Variants in AASS observed in about 807,000 individuals in gnomAD.
AASS encodes the protein alpha-aminoadipic semialdehyde synthase, mitochondrial.
Under a neutral mutation model 105.4 loss-of-function variants are expected in AASS, and 86 were observed. That is an observed-to-expected ratio of 0.82 (90% CI 0.69 to 0.98). AASS has a LOEUF of 0.98. AASS is among the 50% of genes least tolerant of loss of function. The pLI, the probability that AASS is intolerant of heterozygous loss-of-function variation, is 0.00. For synonymous variants in AASS, 381 were observed against 394.8 expected (o/e 0.96, Z 0.41); for missense variants, 1,048 against 1,143.2 (o/e 0.92, Z 1.20).
intron 11 of AASS, among the ~76,000 whole-genome samples, chr7:122,104,380 G>A (rs1288487817): frequency 6.6e-6 from 1 of 152,096 alleles, no homozygotes; most frequent in Non-Finnish European, 1.5e-5. Context: ...CAGATCACCT[G>A]ATGTCAGAAG....
intron 1 of AASS, among the ~76,000 whole-genome samples, chr7:122,141,658 C>CAAAAAAAA (rs67469054): frequency 2.1e-5 from 2 of 94,634 alleles, no homozygotes; most frequent in African/African-American, 7.4e-5. Flanking sequence ...CCTAACCCTG[C>CAAAAAAAA]AAAAAAAAAA....
chr7:122,082,946 G>GA (rs1793440927), intron 19 of AASS: 1 of 1,086,472 alleles, frequency 9.2e-7, no homozygotes, highest in Non-Finnish European at 1.2e-6. Flanking sequence ...ATGAAGTGAA[G>GA]AAAGACCATA....
Position 122,129,526 on chromosome 7 carries a change from T to A in AASS, c.222A>T (p.Lys74Asn). Reference sequence around the variant, plus strand: ...TATCCTCCTGAAGAATGCCACCAGCTTTGACATAGTCCTGAAATTGTAATT... The same window carrying A: ...TATCCTCCTGAAGAATGCCACCAGCATTGACATAGTCCTGAAATTGTAATT... ...RRAIHDKDYVKAGGILQEDIS... is the reference protein window; with the variant it reads ...RRAIHDKDYVNAGGILQEDIS... Residue 74 changes from lysine (K) to asparagine (N), a missense_variant, in exon 3 of 24, where the codon AAA becomes AAT. Transcript: ENST00000417368. 2 of 1,613,234 alleles carry A rather than the reference T, an allele frequency of 1.2e-6. No individual in the cohort carries two copies. Among genetic ancestry groups the A allele is most frequent in the South Asian group, 2.2e-5 (2 of 91,046 alleles).
In AASS at chr7:122,115,210, T is replaced by C; in HGVS notation, c.907A>G (p.Thr303Ala). The C allele has an allele frequency of 2.5e-6, 4 of 1,614,148 alleles. No homozygotes were observed. Among genetic ancestry groups the C allele is most frequent in the Non-Finnish European group, 3.4e-6 (4 of 1,180,008 alleles). ...TAGATTCCATTAATTAAGCAAGTTG[T>C]ATAGGGTGCAATCTGTAATGCAAGT... ...SRFNTDIAPYTTCLINGIYWE... is the reference protein window; with the variant it reads ...SRFNTDIAPYATCLINGIYWE... The change falls in exon 9 of 24, where the codon ACA (threonine) becomes GCA (alanine). Residue 303 changes from threonine to alanine, a missense_variant. By Grantham distance (58) the Thr-to-Ala change is moderately conservative. Coordinates refer to ENST00000417368, the MANE Select transcript of AASS (RefSeq NM_005763.4).
At chr7:122,085,885 A>T (rs1459103647) in intron 19 of AASS, 127 bp downstream of exon 19, 3 of 1,017,316 alleles carry the variant, frequency 2.9e-6, no homozygotes, top group Non-Finnish European at 4.5e-6. Context: ...CAATCATAAG[A>T]TTCCTGAAAA....
rs376028819 is a variant in AASS, at chr7:122,133,505, G to A, written c.210+12C>T. ...CATTTTATTCTCACATAAAAATATTGGAAATACTCACCTTATCATGAATGG... is the reference window on the plus strand; with the variant it reads ...CATTTTATTCTCACATAAAAATATTAGAAATACTCACCTTATCATGAATGG... On this transcript the variant is annotated intron_variant, in intron 2 of 23. Transcript: ENST00000417368. 7 of 1,613,368 alleles carry A rather than the reference G, an allele frequency of 4.3e-6. No individual in the cohort carries two copies. The African/African-American group carries it at 6.7e-5, about 15-fold the overall frequency.
chr7:122,086,416 G>C (rs1793628010), intron 18 of AASS, among the ~76,000 whole-genome samples: 1 of 151,472 alleles, frequency 6.6e-6, no homozygotes, highest in Non-Finnish European at 1.5e-5. Context: ...CTAAACATAA[G>C]GTCTTATTTT....
chr7:122,079,878 T>C (rs949038142), intron 20 of AASS, among the ~76,000 whole-genome samples, 166 bp from the exon 21 acceptor site: 5 of 151,944 alleles, frequency 3.3e-5, no homozygotes. Flanking sequence ...CATACACACA[T>C]CTGCATACCT....
intron 1 of AASS, among the ~76,000 whole-genome samples, chr7:122,135,134 G>A (rs1249875621): frequency 1.3e-5 from 2 of 151,980 alleles, no homozygotes; most frequent in East Asian, 3.9e-4. Flanking sequence ...TGGGGTGCGG[G>A]GAGGGGTGAG....
At chr7:122,105,399 CTT>C (rs1794623487) in intron 11 of AASS, among the ~76,000 whole-genome samples, 1 of 151,996 alleles carries the variant, frequency 6.6e-6, no homozygotes, top group Non-Finnish European at 1.5e-5. Context: ...AAATATAGAA[CTT>C]TTTATCCAGT....
At chr7:122,143,346 G>T (rs567949896) in intron 1 of AASS, among the ~76,000 whole-genome samples, 12 of 146,080 alleles carry the variant, frequency 8.2e-5, no homozygotes, top group Admixed American at 3.4e-4. Flanking sequence ...TCTCTCTTCC[G>T]CTCCCCCCAC....
At chr7:122,134,717 C>A (rs920385464) in intron 1 of AASS, among the ~76,000 whole-genome samples, 1 of 152,004 alleles carries the variant, frequency 6.6e-6, no homozygotes, top group African/African-American at 2.4e-5. Context: ...GACAATGTGG[C>A]GATTCCTCAA....
At chr7:122,104,434 A>G (rs1456015178) in intron 11 of AASS, among the ~76,000 whole-genome samples, 1 of 152,080 alleles carries the variant, frequency 6.6e-6, no homozygotes. Flanking sequence ...TGTCTCTACT[A>G]AAAATACAAA....
At chr7:122,139,174 C>T (rs1201179521) in intron 1 of AASS, among the ~76,000 whole-genome samples, 3 of 152,116 alleles carry the variant, frequency 2.0e-5, no homozygotes, top group Non-Finnish European at 4.4e-5. Flanking sequence ...CAGAAAGTCT[C>T]TTGATAGAGT....
At position 122,125,445 on chromosome 7, in the gene AASS, T is replaced by C. The variant is rs279705; in HGVS notation, c.472+930A>G. ...TTTACTTCCTGCAGAAAGGGTACAC[T>C]CACCAGCAGTTTTGCCACAAGAATA... On this transcript the variant is annotated intron_variant, in intron 4 of 23. Transcript: ENST00000417368. Among the ~76,000 whole-genome samples the C allele has an allele frequency of 4.5e-3, 683 of 152,276 alleles. 2 individuals carry two copies. Among genetic ancestry groups the C allele is most frequent in the African/African-American group, 0.016 (650 of 41,568 alleles).
In AASS at chr7:122,077,924, A is replaced by T; in HGVS notation, c.2576T>A (p.Val859Glu). 1 of 1,614,220 alleles carries T rather than the reference A, an allele frequency of 6.2e-7. No individual in the cohort carries two copies. Among genetic ancestry groups the T allele is most frequent in the South Asian group, 1.1e-5 (1 of 91,084 alleles). Reference sequence around the variant, plus strand: ...AAAGCCATTGATGTCCCCATAAGCCACAAGATCAATCGTTTTATGTTCTAA... The same window carrying T: ...AAAGCCATTGATGTCCCCATAAGCCTCAAGATCAATCGTTTTATGTTCTAA... ...GHLEHKTIDLVAYGDINGFSA... is the reference protein window; with the variant it reads ...GHLEHKTIDLEAYGDINGFSA... The change falls in exon 23 of 24, where the codon GTG becomes GAG. Residue 859 changes from valine (V) to glutamate (E), a missense_variant. Coordinates refer to ENST00000417368, the MANE Select transcript of AASS (RefSeq NM_005763.4).
At position 122,092,848 on chromosome 7, in the gene AASS, C is replaced by T. The variant is rs370982930; in HGVS notation, c.1870G>A (p.Ala624Thr). 6.2e-7 allele frequency: 1 copy of T among 1,613,682 alleles called. No individual in the cohort carries two copies. Among genetic ancestry groups the T allele is most frequent in the East Asian group, 2.2e-5 (1 of 44,858 alleles). ...ETIDKAKEVG[A>T]TIESYISYCG... is the part of the protein sequence containing the mutation. The stretch of plus-strand genomic sequence containing the variant: ...TGGGTACAAATTGGGCTCACCGTGG[C>T]TCCCACTTCCTTGGCTTTATCTATT... The change falls in exon 17 of 24, where the codon GCC (alanine) becomes ACC (threonine). Residue 624 changes from alanine to threonine, a missense_variant. By Grantham distance (58) the Ala-to-Thr change is moderately conservative. Transcript: ENST00000417368.
chr7:122,137,144 A>C (rs1796181595), intron 1 of AASS, among the ~76,000 whole-genome samples: 1 of 152,244 alleles, frequency 6.6e-6, no homozygotes. Flanking sequence ...ATTAAGCATC[A>C]CATGCCAAGC....
chr7:122,128,219 A>C (rs549565192), intron 3 of AASS, among the ~76,000 whole-genome samples: 2 of 152,306 alleles, frequency 1.3e-5, no homozygotes, highest in South Asian at 4.1e-4. Context: ...TGTGACTTGC[A>C]GTCTAGACCA....
Sources: allele counts gnomAD v4.1 joint callset (sites outside exome capture counted in the v4.1 genomes callset), GRCh38; gene constraint gnomAD v4.1.1; transcripts MANE v1.5; gene names NCBI Gene and HGNC (gene_info 2026-07-23, HGNC 2026-07-21).